HOXD13: variants seen among roughly 807,000 people sequenced by gnomAD.
The protein encoded by HOXD13 is homeobox protein Hox-D13.
A neutral mutation model predicts 27.3 loss-of-function variants in HOXD13; 16 were observed. That is an observed-to-expected ratio of 0.59 (90% confidence interval 0.40 to 0.89). The LOEUF (loss-of-function observed/expected upper bound fraction) is 0.89, where lower values mean the gene tolerates loss of function less well. Ranked by LOEUF, HOXD13 falls within the 40% of genes least tolerant of loss-of-function variation. The pLI is 0.00. For missense variants in HOXD13, 481 were observed against 482.6 expected, an observed-to-expected ratio of 1.00 and a Z score of 0.03; for synonymous variants, 241 against 219.0, an observed-to-expected ratio of 1.10 and a Z score of -0.89.
intron 1 of HOXD13, 95 bp from the exon 2 acceptor site, chr2:176,094,383 ACG>A: frequency 2.2e-6 from 3 of 1,381,522 alleles, no homozygotes; most frequent in Non-Finnish European, 3.0e-6. Context: ...ACCCCTGCAA[ACG>A]CACACACACA....
upstream of HOXD13, among the ~76,000 whole-genome samples, chr2:176,092,108 G>C (rs1689329270): frequency 6.6e-6 from 1 of 152,212 alleles, no homozygotes. Context: ...TTTCCGAACG[G>C]ACAGCGTGTG....
upstream of HOXD13, among the ~76,000 whole-genome samples, chr2:176,091,669 G>T (rs778275919): frequency 9.9e-5 from 15 of 152,154 alleles, no homozygotes; most frequent in Non-Finnish European, 2.2e-4. Flanking sequence ...TGGAACAAGC[G>T]CCCTCTTAAT....
In HOXD13 at chr2:176,094,645, CT is replaced by C; in HGVS notation, c.948del (p.Glu317ArgfsTer4). 1 of 1,613,940 alleles carries C rather than the reference CT, an allele frequency of 6.2e-7. No individual in the cohort carries two copies. Among genetic ancestry groups the C allele is most frequent in the Non-Finnish European group, 8.5e-7 (1 of 1,179,830 alleles). ...CGTATCTCGGCTGCTACGAACCTAT[CT>C]GAGAGACAAGTGACCATTTGGTTTC... ...RRRISAATNLSERQVTIWFQN... is the reference protein window; with the variant it reads ...RRRISAATNLXERQVTIWFQN... On this transcript the variant is annotated frameshift_variant, in exon 2 of 2. Coordinates refer to ENST00000392539, the MANE Select transcript of HOXD13 (RefSeq NM_000523.4). LOFTEE classifies it high-confidence loss of function.
upstream of HOXD13, among the ~76,000 whole-genome samples, chr2:176,088,582 T>G (rs1689277422): frequency 6.6e-6 from 1 of 152,190 alleles, no homozygotes; most frequent in Admixed American, 6.5e-5. Context: ...CTTGGGCACT[T>G]TCCTCACCTT....
chr2:176,090,830 A>G (rs1689308620), upstream of HOXD13, among the ~76,000 whole-genome samples: 1 of 152,236 alleles, frequency 6.6e-6, no homozygotes, highest in Non-Finnish European at 1.5e-5. Flanking sequence ...AGACCCAGCC[A>G]AACCCTCTTT....
upstream of HOXD13, among the ~76,000 whole-genome samples, chr2:176,092,209 C>A (rs761670928): frequency 6.6e-6 from 1 of 152,116 alleles, no homozygotes; most frequent in Admixed American, 6.5e-5. Flanking sequence ...TTAGCTCACT[C>A]GGATTTGGGG....
upstream of HOXD13, among the ~76,000 whole-genome samples, chr2:176,091,048 C>A (rs1373740596): frequency 6.6e-6 from 1 of 152,204 alleles, no homozygotes; most frequent in Non-Finnish European, 1.5e-5. Flanking sequence ...AACGATGAAA[C>A]GAATTCTCTT....
intron 1 of HOXD13, 97 bp from the exon 2 acceptor site, chr2:176,094,383 A>ACG (rs1004509893): frequency 1.4e-4 from 200 of 1,381,392 alleles, no homozygotes; most frequent in African/African-American, 2.9e-4. Context: ...ACCCCTGCAA[A>ACG]CGCACACACA....
Position 176,094,464 on chromosome 2 carries a change from C to T in HOXD13, c.782-16C>T, listed in dbSNP as rs752471203. On this transcript the variant is annotated splice_polypyrimidine_tract_variant and intron_variant, in intron 1 of 1. Coordinates refer to ENST00000392539, the MANE Select transcript of HOXD13 (RefSeq NM_000523.4). ...ATATCCCAGCCTAATTTTTCTTGTG[C>T]TTTTGTTTGTATCAGGGGATGTGGC... is the stretch of plus-strand genomic sequence containing the variant. 5 of 1,612,016 alleles carry T rather than the reference C, an allele frequency of 3.1e-6. No individual in the cohort carries two copies. Among genetic ancestry groups the T allele is most frequent in the South Asian group, 2.2e-5 (2 of 90,990 alleles).
At chr2:176,091,333 C>A (rs568921148), upstream of HOXD13, among the ~76,000 whole-genome samples, 6 of 152,236 alleles carry the variant, frequency 3.9e-5, no homozygotes, top group African/African-American at 9.6e-5. Flanking sequence ...GCCACAGAAC[C>A]AAATGGGCTC....
In HOXD13 at chr2:176,094,943, G is replaced by T; in HGVS notation, c.*213G>T. 1 of 570,202 alleles carries T rather than the reference G, an allele frequency of 1.8e-6. No individual in the cohort carries two copies. The highest frequency in any genetic ancestry group is 3.1e-6 in the Non-Finnish European group (1 of 318,814). The allele number at this position is 570,202 out of a possible 1,614,324, so 35.3% of individuals were successfully genotyped here. On this transcript the variant is annotated 3_prime_UTR_variant, in exon 2 of 2. Transcript: ENST00000392539. The stretch of plus-strand genomic sequence containing the variant: ...TCTGATTTTTACTTGTTTATTATTG[G>T]TTTTGTTCTTGCCTAGGGTTTTTAA...
chr2:176,093,060 C>A lies in HOXD13; in HGVS notation c.170C>A (p.Ala57Glu). ...PVFAGTHSGRAAAAAAAAAAA... is the reference protein window; with the variant it reads ...PVFAGTHSGREAAAAAAAAAA... Reference sequence around the variant, plus strand: ...TTCGCCGGGACGCATTCGGGGCGGGCGGCGGCGGCGGCAGCGGCGGCTGCG... The same window carrying A: ...TTCGCCGGGACGCATTCGGGGCGGGAGGCGGCGGCGGCAGCGGCGGCTGCG... The change falls in exon 1 of 2, where the codon GCG (alanine) becomes GAG (glutamate). Residue 57 changes from alanine to glutamate, a missense_variant. By Grantham distance (107) the Ala-to-Glu change is moderately radical. Coordinates refer to ENST00000392539, the MANE Select transcript of HOXD13 (RefSeq NM_000523.4). The A allele has an allele frequency of 7.4e-7, 1 of 1,353,986 alleles. No individual in the cohort carries two copies. Among genetic ancestry groups the A allele is most frequent in the African/African-American group, 1.5e-5 (1 of 65,278 alleles). The allele number at this position is 1,353,986 out of a possible 1,614,324, so 83.9% of individuals were successfully genotyped here.
chr2:176,093,717 A>G, intron 1 of HOXD13, 46 bp downstream of exon 1: 1 of 1,321,248 alleles, frequency 7.6e-7, no homozygotes. Context: ...AGGGGGAGAG[A>G]GAAGGAGAAA....
rs1193484930 is a variant in HOXD13 at position 176,095,196 on chromosome 2, T to G, written c.*466T>G. Reference sequence around the variant, plus strand: ...TCCTGTAATTAGGTAATTGAATCATTAGCTCTCAGCAGTTGCCCTGAGGCA... The same window carrying G: ...TCCTGTAATTAGGTAATTGAATCATGAGCTCTCAGCAGTTGCCCTGAGGCA... On this transcript the variant is annotated 3_prime_UTR_variant, in exon 2 of 2. Coordinates refer to ENST00000392539, the MANE Select transcript of HOXD13 (RefSeq NM_000523.4). The G allele has an allele frequency of 4.0e-6, 1 of 251,514 alleles. No homozygotes were observed. The allele number at this position is 251,514 out of a possible 1,614,324, so 15.6% of individuals were successfully genotyped here.
At position 176,094,970 on chromosome 2, in the gene HOXD13, AT is replaced by A; in HGVS notation, c.*241del. The A allele has an allele frequency of 1.9e-6, 1 of 527,542 alleles. No individual in the cohort carries two copies. Among genetic ancestry groups the A allele is most frequent in the South Asian group, 2.2e-5 (1 of 45,848 alleles). The allele number at this position is 527,542 out of a possible 1,614,324, so 32.7% of individuals were successfully genotyped here. ...TTTGTTCTTGCCTAGGGTTTTTAAA[AT>A]ATCTGTTTTTAATGTTTTGTTTCTC... is the stretch of plus-strand genomic sequence containing the variant. On this transcript the variant is annotated 3_prime_UTR_variant, in exon 2 of 2. Coordinates refer to ENST00000392539, the MANE Select transcript of HOXD13 (RefSeq NM_000523.4).
At chr2:176,090,018 C>A (rs1689296285), upstream of HOXD13, among the ~76,000 whole-genome samples, 1 of 152,230 alleles carries the variant, frequency 6.6e-6, no homozygotes, top group Admixed American at 6.5e-5. Flanking sequence ...AATTCAGCCT[C>A]AAAATTCCTC....
At chr2:176,092,252 C>T (rs918462091), upstream of HOXD13, among the ~76,000 whole-genome samples, 3 of 152,192 alleles carry the variant, frequency 2.0e-5, no homozygotes, top group African/African-American at 7.2e-5. Context: ...GATTCAGCAA[C>T]AGGATAAAAA....
upstream of HOXD13, among the ~76,000 whole-genome samples, chr2:176,092,656 G>A (rs1041484504): frequency 2.6e-5 from 4 of 151,954 alleles, no homozygotes; most frequent in African/African-American, 9.7e-5. Flanking sequence ...GCGGCCCCCC[G>A]ACCGGCCCAG....
chr2:176,093,706 G>A, intron 1 of HOXD13, 35 bp downstream of exon 1: 2 of 1,370,418 alleles, frequency 1.5e-6, no homozygotes, highest in Non-Finnish European at 2.0e-6. Flanking sequence ...CGACACGAGG[G>A]AGGGGGAGAG....
Sources: gnomAD v4.1 joint callset for allele counts (sites outside exome capture counted in the v4.1 genomes callset) on GRCh38, gnomAD v4.1.1 for gene constraint, MANE v1.5 for transcripts, NCBI Gene and HGNC (gene_info 2026-07-23, HGNC 2026-07-21) for gene names.